The following FGFR4 variants were observed in gnomAD, a reference collection of about 807,000 sequenced individuals.
FGFR4 encodes hydroxyaryl-protein kinase.
A neutral mutation model predicts 89.9 loss-of-function variants in FGFR4; 63 were observed. The observed-to-expected ratio is 0.70, with a 90% CI of 0.57 to 0.86. FGFR4 has a LOEUF of 0.86. Among genes scored for constraint, FGFR4 ranks in the 40% least tolerant of loss-of-function variants. The pLI is 0.00. For synonymous variants in FGFR4, 486 were observed against 479.4 expected, an observed-to-expected ratio of 1.01 and a Z score of -0.18; for missense variants, 928 against 1,106.7, an observed-to-expected ratio of 0.84 and a Z score of 2.29.
chr5:177,095,400 C>T lies in FGFR4; in HGVS notation c.1590C>T (p.His530=), dbSNP rs1345910891. The part of the protein sequence containing the change: ...EMEVMKLIGR[H]KNIINLLGVC... The stretch of plus-strand genomic sequence containing the variant: ...AGGTGATGAAGCTGATCGGCCGACA[C>T]AAGAACATCATCAACCTGCTTGGTG... Residue 530 remains histidine (H), a synonymous_variant, in exon 12 of 18, where the codon CAC becomes CAT. Transcript: ENST00000292408. The surrounding 1 kb of genome is among the most constrained non-coding windows in gnomAD (Gnocchi z 5.7). The T allele has an allele frequency of 1.2e-6, 2 of 1,614,110 alleles. No homozygotes were observed. The highest frequency in any genetic ancestry group is 2.2e-5 in the East Asian group (1 of 44,894).
chr5:177,095,733 C>T lies in FGFR4; in HGVS notation c.1821+10C>T, dbSNP rs1242746431. ...TCTGGAGTCCCGGAAGGTACAGGCG[C>T]TAGGGCTCTGAGCCCCTCTCAGTCT... On this transcript the variant is annotated intron_variant, in intron 13 of 17. Transcript: ENST00000292408. This position sits in a 1 kb window ranked among gnomAD's most constrained non-coding sequence, Gnocchi z 5.7. The T allele has an allele frequency of 7.6e-6, 12 of 1,578,790 alleles. No individual in the cohort carries two copies. Among genetic ancestry groups the T allele is most frequent in the Non-Finnish European group, 9.4e-6 (11 of 1,164,610 alleles).
chr5:177,089,813 G>C (rs751026426), intron 2 of FGFR4, 120 bp downstream of exon 2: 12 of 1,302,160 alleles, frequency 9.2e-6, no homozygotes, highest in Non-Finnish European at 1.2e-5. Flanking sequence ...GGTGGCGGCA[G>C]GGCAGGGCTC....
chr5:177,093,023 C>T lies in FGFR4; in HGVS notation c.1058-115C>T, dbSNP rs1212362778. The T allele has an allele frequency of 4.7e-5, 68 of 1,432,592 alleles. No homozygotes were observed. The South Asian group carries it at 6.9e-4, about 14-fold the overall frequency. The allele number at this position is 1,432,592 out of a possible 1,614,324, so 88.7% of individuals were successfully genotyped here. ...GACTGGGCATAACTACAGCTTCCTC[C>T]GTGTGTGTCCCCACATATGTTGGGA... On this transcript the variant is annotated intron_variant, in intron 8 of 17. Coordinates refer to ENST00000292408, the MANE Select transcript of FGFR4 (RefSeq NM_213647.3). This position sits in a 1 kb window ranked among gnomAD's most constrained non-coding sequence, Gnocchi z 5.8.
intron 7 of FGFR4, 58 bp downstream of exon 7, chr5:177,092,569 G>T: frequency 1.9e-6 from 3 of 1,565,492 alleles, no homozygotes; most frequent in Non-Finnish European, 2.6e-6. Flanking sequence ...TTGGGTTGGG[G>T]GGCTCCCCAG....
chr5:177,094,339 TAGTC>T (rs1273808078), intron 11 of FGFR4, among the ~76,000 whole-genome samples: 1 of 152,146 alleles, frequency 6.6e-6, no homozygotes, highest in Non-Finnish European at 1.5e-5. Context: ...GCCTGGCTCA[TAGTC>T]AGGGCTCAAT....
rs778212446 is a variant in FGFR4 at position 177,092,753 on chromosome 5, C to T, written c.1026C>T (p.Ser342=). The T allele has an allele frequency of 6.2e-7, 1 of 1,614,260 alleles. No individual in the cohort carries two copies. The highest frequency in any genetic ancestry group is 1.7e-5 in the Admixed American group (1 of 60,034). The part of the protein sequence containing the change: ...TCLAGNSIGL[S]YQSAWLTVLP... ...TCGCAGGCAATTCCATCGGCCTCTC[C>T]TACCAGTCTGCCTGGCTCACGGTGC... The change falls in exon 8 of 18, where the codon TCC becomes TCT. Residue 342 remains serine (S), a synonymous_variant. Coordinates refer to ENST00000292408, the MANE Select transcript of FGFR4 (RefSeq NM_213647.3).
At position 177,095,422 on chromosome 5, in the gene FGFR4, G is replaced by A; in HGVS notation, c.1612G>A (p.Gly538Ser). 1 of 1,614,214 alleles carries A rather than the reference G, an allele frequency of 6.2e-7. No homozygotes were observed. Among genetic ancestry groups the A allele is most frequent in the Non-Finnish European group, 8.5e-7 (1 of 1,180,036 alleles). ...GRHKNIINLL[G>S]VCTQEGPLYV... is the part of the protein sequence containing the mutation. ...ACACAAGAACATCATCAACCTGCTT[G>A]GTGTCTGCACCCAGGAAGGTGGGGC... is the stretch of plus-strand genomic sequence containing the variant. Residue 538 changes from glycine to serine, a missense_variant, in exon 12 of 18, where the codon GGT (glycine) becomes AGT (serine). Around this residue, in one of 5 missense-constraint regions of FGFR4, gnomAD observed 741 missense variants for 836.9 expected, o/e 0.89. Transcript: ENST00000292408. This position sits in a 1 kb window ranked among gnomAD's most constrained non-coding sequence, Gnocchi z 5.7.
In FGFR4 at chr5:177,095,176, G is replaced by A; in HGVS notation, c.1520-154G>A. On this transcript the variant is annotated intron_variant, in intron 11 of 17. Coordinates refer to ENST00000292408, the MANE Select transcript of FGFR4 (RefSeq NM_213647.3). The surrounding 1 kb of genome is among the most constrained non-coding windows in gnomAD (Gnocchi z 5.7). ...CAAGACGAACCTGAGGTTCAGAGAC[G>A]CTAGGAGACTTTTTCAAGGCCACAC... 6 of 659,710 alleles carry A rather than the reference G, an allele frequency of 9.1e-6. No individual in the cohort carries two copies. The highest frequency in any genetic ancestry group is 3.5e-5 in the South Asian group (2 of 57,414). 40.9% of individuals were successfully genotyped at this position (659,710 alleles called of 1,614,324 possible).
intron 5 of FGFR4, among the ~76,000 whole-genome samples, 164 bp from the exon 6 acceptor site, chr5:177,091,521 G>C (rs1474930554): frequency 6.6e-6 from 1 of 152,220 alleles, no homozygotes; most frequent in East Asian, 1.9e-4. Flanking sequence ...GCGCCCTGGG[G>C]AGCCTACTCC....
rs753182839 is a variant in FGFR4, at chr5:177,095,391, C to T, written c.1581C>T (p.Ile527=). The part of the protein sequence containing the change: ...LVSEMEVMKL[I]GRHKNIINLL... ...CGGAGATGGAGGTGATGAAGCTGATCGGCCGACACAAGAACATCATCAACC... is the reference window on the plus strand; with the variant it reads ...CGGAGATGGAGGTGATGAAGCTGATTGGCCGACACAAGAACATCATCAACC... Residue 527 remains isoleucine, a synonymous_variant, in exon 12 of 18, where the codon ATC becomes ATT. Transcript: ENST00000292408. This position sits in a 1 kb window ranked among gnomAD's most constrained non-coding sequence, Gnocchi z 5.7. The T allele has an allele frequency of 1.2e-5, 19 of 1,614,046 alleles. No homozygotes were observed. Among genetic ancestry groups the T allele is most frequent in the South Asian group, 9.9e-5 (9 of 91,070 alleles).
intron 2 of FGFR4, 57 bp downstream of exon 2, chr5:177,089,750 G>A: frequency 6.3e-7 from 1 of 1,586,750 alleles, no homozygotes; most frequent in Non-Finnish European, 8.6e-7. Context: ...GCACCAGGAG[G>A]GGGCTGCTGG....
In FGFR4 at chr5:177,090,805, G is replaced by C. The variant is rs1439890207; in HGVS notation, c.416G>C (p.Arg139Thr). 1.2e-6 allele frequency: 2 copies of C among 1,614,048 alleles called. No homozygotes were observed. The highest frequency in any genetic ancestry group is 1.7e-5 in the Admixed American group (1 of 60,008). ...DPKSHRDPSNRHSYPQQAPYW... is the reference protein window; with the variant it reads ...DPKSHRDPSNTHSYPQQAPYW... ...AAGTCCCATAGGGACCCCTCGAATAGGCACAGTTACCCCCAGCAAGGTCAG... is the reference window on the plus strand; with the variant it reads ...AAGTCCCATAGGGACCCCTCGAATACGCACAGTTACCCCCAGCAAGGTCAG... The change falls in exon 4 of 18, where the codon AGG becomes ACG. Residue 139 changes from arginine (R) to threonine (T), a missense_variant. By Grantham distance (71) the Arg-to-Thr change is moderately conservative. Coordinates refer to ENST00000292408, the MANE Select transcript of FGFR4 (RefSeq NM_213647.3).
chr5:177,091,825 G>A lies in FGFR4; in HGVS notation c.727+17G>A, dbSNP rs200360247. On this transcript the variant is annotated intron_variant, in intron 6 of 17. Coordinates refer to ENST00000292408, the MANE Select transcript of FGFR4 (RefSeq NM_213647.3). ...ATGTGCTGGGTGAGCGCGGGGCTGGGAACAGGGGAGGCCTGACCCATTTTG... is the reference window on the plus strand; with the variant it reads ...ATGTGCTGGGTGAGCGCGGGGCTGGAAACAGGGGAGGCCTGACCCATTTTG... 2.5e-5 allele frequency: 41 copies of A among 1,613,690 alleles called. No homozygotes were observed. Among genetic ancestry groups the A allele is most frequent in the Non-Finnish European group, 3.0e-5 (35 of 1,179,826 alleles).
In FGFR4 at chr5:177,095,177, C is replaced by G. The variant is rs1384564528; in HGVS notation, c.1520-153C>G. 2 of 664,190 alleles carry G rather than the reference C, an allele frequency of 3.0e-6. No homozygotes were observed. Among genetic ancestry groups the G allele is most frequent in the Non-Finnish European group, 5.5e-6 (2 of 365,564 alleles). The allele number at this position is 664,190 out of a possible 1,614,324, so 41.1% of individuals were successfully genotyped here. A position where few individuals can be genotyped will look rare whatever the true frequency, so the allele number is the denominator to read the frequency against. Reference sequence around the variant, plus strand: ...AAGACGAACCTGAGGTTCAGAGACGCTAGGAGACTTTTTCAAGGCCACACA... The same window carrying G: ...AAGACGAACCTGAGGTTCAGAGACGGTAGGAGACTTTTTCAAGGCCACACA... On this transcript the variant is annotated intron_variant, in intron 11 of 17. Transcript: ENST00000292408. This position sits in a 1 kb window ranked among gnomAD's most constrained non-coding sequence, Gnocchi z 5.7.
Position 177,092,642 on chromosome 5 carries a change from C to A in FGFR4, c.919-4C>A. On this transcript the variant is annotated splice_polypyrimidine_tract_variant and splice_region_variant and intron_variant, in intron 7 of 17. Coordinates refer to ENST00000292408, the MANE Select transcript of FGFR4 (RefSeq NM_213647.3). ...GTGACCCCAGAGCATGTCCCCCACC[C>A]CAGACTGCAGACATCAATAGCTCAG... 1 of 1,600,730 alleles carries A rather than the reference C, an allele frequency of 6.2e-7. No homozygotes were observed. Among genetic ancestry groups the A allele is most frequent in the South Asian group, 1.1e-5 (1 of 90,214 alleles).
At position 177,090,532 on chromosome 5, in the gene FGFR4, T is replaced by C. The variant is rs769348020; in HGVS notation, c.234T>C (p.Arg78=). 18 of 1,552,254 alleles carry C rather than the reference T, an allele frequency of 1.2e-5. No individual in the cohort carries two copies. In the African/African-American group the frequency reaches 1.9e-4, roughly 16 times the overall value. Residue 78 remains arginine, a synonymous_variant, in exon 3 of 18, where the codon CGT becomes CGC. Transcript: ENST00000292408. Reference sequence around the variant, plus strand: ...GCAGTCGCCTGGCACCTGCTGGCCGTGTACGGGGCTGGAGGGGCCGCCTAG... The same window carrying C: ...GCAGTCGCCTGGCACCTGCTGGCCGCGTACGGGGCTGGAGGGGCCGCCTAG... ...KEGSRLAPAG[R]VRGWRGRLEI... is the part of the protein sequence containing the mutation.
At position 177,090,965 on chromosome 5, in the gene FGFR4, TGGA is replaced by T; in HGVS notation, c.466_468del (p.Glu156del). On this transcript the variant is annotated inframe_deletion, in exon 5 of 18. Transcript: ENST00000292408. ...CCCTACTGGACACACCCCCAGCGCA[TGGA>T]GAAGAAACTGCATGCAGTACCTGCG... 1 of 1,614,082 alleles carries T rather than the reference TGGA, an allele frequency of 6.2e-7. No individual in the cohort carries two copies. Among genetic ancestry groups the T allele is most frequent in the Admixed American group, 1.7e-5 (1 of 60,018 alleles).
chr5:177,094,154 C>T (rs1195061656), intron 11 of FGFR4, among the ~76,000 whole-genome samples: 1 of 152,138 alleles, frequency 6.6e-6, no homozygotes, highest in Admixed American at 6.5e-5. Context: ...ATAGAAGGGG[C>T]TCACGGTGCC....
Position 177,097,929 on chromosome 5 carries a change from A to T in FGFR4, c.*253A>T. 1 of 437,586 alleles carries T rather than the reference A, an allele frequency of 2.3e-6. No homozygotes were observed. 27.1% of individuals were successfully genotyped at this position (437,586 alleles called of 1,614,324 possible). On this transcript the variant is annotated 3_prime_UTR_variant, in exon 18 of 18. Coordinates refer to ENST00000292408, the MANE Select transcript of FGFR4 (RefSeq NM_213647.3). ...CCCGGGTTTGGCTGAGCCTGGCTGG[A>T]GAGCTGCTATGCTAAACCTCCTGCC...
Sources: allele counts gnomAD v4.1 joint callset (sites outside exome capture counted in the v4.1 genomes callset), GRCh38; gene constraint gnomAD v4.1.1; regional missense constraint gnomAD v4.1.1; non-coding constraint Gnocchi (gnomAD v3.1); transcripts MANE v1.5; gene names NCBI Gene and HGNC (gene_info 2026-07-23, HGNC 2026-07-21).